Variants in RNF38 observed in about 807,000 individuals in gnomAD.
The protein encoded by RNF38 is E3 ubiquitin-protein ligase RNF38.
In RNF38, 15 loss-of-function variants were observed where a neutral mutation model predicts 67.2. The observed-to-expected ratio is 0.22, with a 90% CI of 0.15 to 0.34. The LOEUF (loss-of-function observed/expected upper bound fraction) is 0.34, where lower values mean the gene tolerates loss of function less well. Among genes scored for constraint, RNF38 ranks in the 10% least tolerant of loss-of-function variants. The pLI, the probability that RNF38 is intolerant of heterozygous loss-of-function variation, is 1.00. For missense variants in RNF38, 524 were observed against 639.9 expected, an observed-to-expected ratio of 0.82 and a Z score of 1.95; for synonymous variants, 220 against 218.8, an observed-to-expected ratio of 1.01 and a Z score of -0.05.
chr9:36,442,297 G>A (rs945333512), intron 1 of RNF38, among the ~76,000 whole-genome samples: 3 of 152,112 alleles, frequency 2.0e-5, no homozygotes, highest in East Asian at 1.9e-4. Context: ...AAAGCTAGAT[G>A]GTATCATCTC....
Position 36,400,213 on chromosome 9 carries a change from T to C in RNF38, c.-105A>G. On this transcript the variant is annotated 5_prime_UTR_variant, in exon 1 of 12. Transcript: ENST00000259605. ...ACGCTTCAACCCTGAAAGGAAGAAC[T>C]TGCATCCCCTGAGAACAAAACGCAG... is the stretch of plus-strand genomic sequence containing the variant. The C allele has an allele frequency of 6.6e-7, 1 of 1,509,588 alleles. No homozygotes were observed. The highest frequency in any genetic ancestry group is 1.3e-5 in the South Asian group (1 of 78,698). 93.5% of individuals were successfully genotyped at this position (1,509,588 alleles called of 1,614,324 possible).
chr9:36,469,596 G>A (rs900744135), intron 1 of RNF38, among the ~76,000 whole-genome samples: 2 of 152,122 alleles, frequency 1.3e-5, no homozygotes, highest in Non-Finnish European at 2.9e-5. Context: ...GGGAGGTGGA[G>A]GTTGTGGTGA....
intron 9 of RNF38, among the ~76,000 whole-genome samples, chr9:36,346,282 T>C (rs1833233158): frequency 6.6e-6 from 1 of 152,190 alleles, no homozygotes; most frequent in Admixed American, 6.5e-5. Context: ...CTTGGTTAAC[T>C]GCAACCTCTG....
intron 10 of RNF38, among the ~76,000 whole-genome samples, chr9:36,343,594 AAT>A (rs1833005272): frequency 6.6e-6 from 1 of 152,194 alleles, no homozygotes; most frequent in African/African-American, 2.4e-5. Flanking sequence ...AATAAAAAAA[AAT>A]AGACAATATA....
intron 2 of RNF38, among the ~76,000 whole-genome samples, chr9:36,386,460 G>C (rs994008532): frequency 2.0e-5 from 3 of 152,136 alleles, no homozygotes; most frequent in African/African-American, 7.2e-5. Context: ...TATGTGTATA[G>C]CTTTTCAAAT....
At chr9:36,428,450 T>C (rs933065069) in intron 1 of RNF38, among the ~76,000 whole-genome samples, 5 of 98,428 alleles carry the variant, frequency 5.1e-5, no homozygotes, top group African/African-American at 2.0e-4. Context: ...ACAACTATTG[T>C]TTACATATAT....
intron 3 of RNF38, among the ~76,000 whole-genome samples, chr9:36,375,168 CAT>C: frequency 6.6e-6 from 1 of 152,320 alleles, no homozygotes. Flanking sequence ...GTCATCTTTT[CAT>C]ACCACGGGCT....
Position 36,342,444 on chromosome 9 carries a change from C to A in RNF38, c.1386-20G>T, listed in dbSNP as rs752648617. 8.2e-6 allele frequency: 12 copies of A among 1,457,166 alleles called. No individual in the cohort carries two copies. The Admixed American group carries it at 1.8e-4, about 22-fold the overall frequency. 90.3% of individuals were successfully genotyped at this position (1,457,166 alleles called of 1,614,324 possible). A position where few individuals can be genotyped will look rare whatever the true frequency, so the allele number is the denominator to read the frequency against. Reference sequence around the variant, plus strand: ...ACACACCTAAAAAAAGCAAAAAGATCATTTAACCACAAAACCAGATGGTTT... The same window carrying A: ...ACACACCTAAAAAAAGCAAAAAGATAATTTAACCACAAAACCAGATGGTTT... On this transcript the variant is annotated intron_variant, in intron 10 of 11. Coordinates refer to ENST00000259605, the MANE Select transcript of RNF38 (RefSeq NM_022781.5).
chr9:36,460,717 A>C (rs1236519374), intron 1 of RNF38, among the ~76,000 whole-genome samples: 2 of 150,854 alleles, frequency 1.3e-5, no homozygotes, highest in Non-Finnish European at 3.0e-5. Context: ...GAGAAACCCC[A>C]TCTCTACTAA....
chr9:36,349,566 T>C (rs749732261), intron 9 of RNF38, among the ~76,000 whole-genome samples: 22 of 152,194 alleles, frequency 1.4e-4, no homozygotes, highest in Non-Finnish European at 3.1e-4. Flanking sequence ...TCTCCCAACC[T>C]GTAGTCTGCC....
At chr9:36,406,028 C>T (rs72731463), upstream of RNF38, among the ~76,000 whole-genome samples, 10 of 152,300 alleles carry the variant, frequency 6.6e-5, no homozygotes, top group Non-Finnish European at 1.2e-4. Flanking sequence ...GGCTGTCCTC[C>T]TTATCCCTCT....
chr9:36,386,012 C>T (rs1285716268), intron 2 of RNF38, among the ~76,000 whole-genome samples: 1 of 152,168 alleles, frequency 6.6e-6, no homozygotes, highest in Non-Finnish European at 1.5e-5. Context: ...TACGTCCAAT[C>T]CCGAAGCAGT....
intron 6 of RNF38, 44 bp from the exon 7 acceptor site, chr9:36,353,375 TAC>T: frequency 7.7e-7 from 1 of 1,292,106 alleles, no homozygotes. Context: ...TATATATATA[TAC>T]TTCCTGTGTT....
At chr9:36,422,034 C>G (rs1052188620) in intron 2 of RNF38, among the ~76,000 whole-genome samples, 2 of 152,118 alleles carry the variant, frequency 1.3e-5, no homozygotes, top group Admixed American at 1.3e-4. Context: ...GAGTTCGAGA[C>G]TAGCCTGGTC....
At chr9:36,483,070 T>C (rs1840315866) in intron 1 of RNF38, among the ~76,000 whole-genome samples, 2 of 152,174 alleles carry the variant, frequency 1.3e-5, no homozygotes, top group South Asian at 4.1e-4. Flanking sequence ...GCAATCTCTA[T>C]GGTCCTACAC....
At chr9:36,369,661 AT>A (rs1835230196) in intron 4 of RNF38, 57 bp downstream of exon 4, 2 of 1,331,994 alleles carry the variant, frequency 1.5e-6, no homozygotes, top group East Asian at 2.5e-5. Context: ...AAAAAAAAAA[AT>A]CTCAAACTGC....
intron 1 of RNF38, among the ~76,000 whole-genome samples, chr9:36,469,210 G>C (rs1209382177): frequency 6.6e-6 from 1 of 152,160 alleles, no homozygotes; most frequent in African/African-American, 2.4e-5. Context: ...GTTAGGTGGG[G>C]TTTACTGTTG....
intron 1 of RNF38, among the ~76,000 whole-genome samples, chr9:36,437,145 G>C (rs1489179822): frequency 3.3e-5 from 5 of 152,214 alleles, no homozygotes; most frequent in Non-Finnish European, 7.3e-5. Context: ...CTTGCTCCTG[G>C]CACTGCAGCT....
At chr9:36,374,355 T>A (rs543275661) in intron 3 of RNF38, among the ~76,000 whole-genome samples, 1 of 152,318 alleles carries the variant, frequency 6.6e-6, no homozygotes, top group African/African-American at 2.4e-5. Context: ...TTTCTCAAAG[T>A]TTTAAAGCCT....
Sources: allele counts gnomAD v4.1 joint callset (sites outside exome capture counted in the v4.1 genomes callset), GRCh38; gene constraint gnomAD v4.1.1; transcripts MANE v1.5; gene names NCBI Gene and HGNC (gene_info 2026-07-23, HGNC 2026-07-21).